Variants in PCDH7 observed in about 807,000 individuals in gnomAD.
PCDH7 encodes protocadherin 7.
PCDH7 carries 17 observed loss-of-function variants against 58.9 expected under a neutral mutation model. The observed-to-expected ratio is 0.29, with a 90% confidence interval of 0.20 to 0.43. PCDH7 has a LOEUF of 0.43. Among genes scored for constraint, PCDH7 ranks in the 20% least tolerant of loss-of-function variants. PCDH7 has a pLI of 1.00. For missense variants in PCDH7, 1,274 were observed against 1,441.0 expected, an observed-to-expected ratio of 0.88 and a Z score of 1.88; for synonymous variants, 664 against 616.4, an observed-to-expected ratio of 1.08 and a Z score of -1.14.
At chr4:30,939,821 A>C (rs756863749) in intron 2 of PCDH7, among the ~76,000 whole-genome samples, 1 of 152,092 alleles carries the variant, frequency 6.6e-6, no homozygotes, top group Non-Finnish European at 1.5e-5. Flanking sequence ...TGGCTTTACG[A>C]GTCTAAATTT....
chr4:30,775,175 GAA>G (rs1207154838), intron 1 of PCDH7, among the ~76,000 whole-genome samples: 1 of 152,182 alleles, frequency 6.6e-6, no homozygotes, highest in African/African-American at 2.4e-5. Flanking sequence ...TGCCGAGAGA[GAA>G]TTGGGTTTCA....
chr4:30,918,310 C>T (rs1742741370), intron 1 of PCDH7, among the ~76,000 whole-genome samples: 1 of 151,938 alleles, frequency 6.6e-6, no homozygotes, highest in African/African-American at 2.4e-5. Flanking sequence ...AAACATTAAA[C>T]AGTCACAGGT....
chr4:31,001,159 A>G (rs1359154812), intron 3 of PCDH7, among the ~76,000 whole-genome samples: 3 of 152,030 alleles, frequency 2.0e-5, no homozygotes, highest in African/African-American at 4.8e-5. Flanking sequence ...TGCGGACAAA[A>G]AAAAGTTCAT....
intron 3 of PCDH7, among the ~76,000 whole-genome samples, chr4:31,056,997 T>C (rs915858666): frequency 3.3e-5 from 5 of 152,222 alleles, no homozygotes; most frequent in African/African-American, 1.2e-4. Context: ...GATTTGTTTA[T>C]TTTTAGAAAA....
At chr4:30,985,935 A>G (rs764032854) in intron 3 of PCDH7, among the ~76,000 whole-genome samples, 15 of 152,150 alleles carry the variant, frequency 9.9e-5, no homozygotes, top group Non-Finnish European at 2.2e-4. Flanking sequence ...AATAACAACA[A>G]CAAAATAGAT....
intron 3 of PCDH7, among the ~76,000 whole-genome samples, chr4:31,118,895 C>G (rs1021617512): frequency 6.6e-6 from 1 of 151,990 alleles, no homozygotes; most frequent in Non-Finnish European, 1.5e-5. Context: ...AAATCGTAAA[C>G]CTCAATATAT....
chr4:30,744,995 G>C (rs1185355856), intron 1 of PCDH7, among the ~76,000 whole-genome samples: 1 of 152,120 alleles, frequency 6.6e-6, no homozygotes, highest in East Asian at 1.9e-4. Flanking sequence ...GTTATTTTTA[G>C]ATGTCAAATC....
intron 3 of PCDH7, among the ~76,000 whole-genome samples, chr4:30,968,134 G>A (rs761476649): frequency 2.0e-4 from 31 of 151,340 alleles, no homozygotes; most frequent in Non-Finnish European, 3.8e-4. Context: ...GTTACTCCTT[G>A]ACTTTATTTT....
intron 1 of PCDH7, among the ~76,000 whole-genome samples, chr4:30,843,463 G>A (rs1731496062): frequency 6.6e-6 from 1 of 152,034 alleles, no homozygotes; most frequent in Non-Finnish European, 1.5e-5. Flanking sequence ...CAAAGTGCTG[G>A]GATTACAGGC....
intron 3 of PCDH7, among the ~76,000 whole-genome samples, chr4:31,030,162 T>TGTGTGCATGTGC (rs1754778536): frequency 6.6e-6 from 1 of 151,996 alleles, no homozygotes; most frequent in Admixed American, 6.6e-5. Flanking sequence ...TGTGCATGTG[T>TGTGTGCATGTGC]GTGTGCATGT....
chr4:30,809,319 T>A (rs1482544645), intron 1 of PCDH7, among the ~76,000 whole-genome samples: 1 of 152,070 alleles, frequency 6.6e-6, no homozygotes, highest in East Asian at 1.9e-4. Flanking sequence ...GATTAATAGG[T>A]CTTGAATACC....
Position 30,812,858 on chromosome 4 carries a change from A to G in PCDH7, c.70+88262A>G, listed in dbSNP as rs1232742084. The stretch of plus-strand genomic sequence containing the variant: ...GGTGAGCTTATGAATTTAATTTTTC[A>G]GCTAAGTAAACATGCACATATTAAA... On this transcript the variant is annotated intron_variant, in intron 1 of 3. Transcript: ENST00000509759. Among the ~76,000 whole-genome samples the G allele has an allele frequency of 2.6e-5, 4 of 152,360 alleles. No homozygotes were observed. In the East Asian group the frequency reaches 7.7e-4, roughly 29 times the overall value.
intron 3 of PCDH7, among the ~76,000 whole-genome samples, chr4:31,018,712 T>A (rs186891174): frequency 1.1e-4 from 17 of 152,334 alleles, no homozygotes; most frequent in Admixed American, 6.5e-4. Context: ...TTGTAATACC[T>A]GACAGAAATT....
At chr4:31,076,466 A>G (rs1398399645) in intron 3 of PCDH7, among the ~76,000 whole-genome samples, 1 of 152,222 alleles carries the variant, frequency 6.6e-6, no homozygotes, top group South Asian at 2.1e-4. Flanking sequence ...TAAAACATAA[A>G]TAAGACATTA....
At chr4:30,849,075 C>T (rs776036245) in intron 1 of PCDH7, among the ~76,000 whole-genome samples, 1 of 151,990 alleles carries the variant, frequency 6.6e-6, no homozygotes, top group Admixed American at 6.6e-5. Flanking sequence ...TAAACACATT[C>T]ACTTATTTGT....
chr4:30,908,286 C>T (rs1397619901), intron 1 of PCDH7, among the ~76,000 whole-genome samples: 2 of 150,400 alleles, frequency 1.3e-5, no homozygotes, highest in Non-Finnish European at 3.0e-5. Context: ...AAGAAATGGG[C>T]TTCCTAATTA....
At chr4:30,834,943 A>G (rs1730288014) in intron 1 of PCDH7, among the ~76,000 whole-genome samples, 1 of 151,696 alleles carries the variant, frequency 6.6e-6, no homozygotes, top group Admixed American at 6.6e-5. Flanking sequence ...ACACACACAC[A>G]TATATATTCA....
At chr4:30,800,599 G>T (rs1725410625) in intron 1 of PCDH7, among the ~76,000 whole-genome samples, 1 of 152,178 alleles carries the variant, frequency 6.6e-6, no homozygotes, top group Non-Finnish European at 1.5e-5. Flanking sequence ...GACAGGAAAA[G>T]TGAGGATATT....
intron 2 of PCDH7, among the ~76,000 whole-genome samples, chr4:30,921,061 G>A (rs1578294220): frequency 6.6e-6 from 1 of 151,956 alleles, no homozygotes. Context: ...TTTCTTTTAA[G>A]TTATACATTT....
Sources: gnomAD v4.1 joint callset for allele counts (sites outside exome capture counted in the v4.1 genomes callset) on GRCh38, gnomAD v4.1.1 for gene constraint, MANE v1.5 for transcripts, NCBI Gene and HGNC (gene_info 2026-07-23, HGNC 2026-07-21) for gene names.